Variants in GPC3 observed in about 807,000 individuals in gnomAD.
GPC3 encodes glypican 3.
A neutral mutation model predicts 34.4 loss-of-function variants in GPC3; 3 were observed. That is an observed-to-expected ratio of 0.09 (90% confidence interval 0.04 to 0.23). The LOEUF is 0.23. GPC3 is among the 10% of genes least tolerant of loss of function. The probability of loss-of-function intolerance (pLI) is 1.00; values close to 1 mark genes in which losing one functional copy is unlikely to be tolerated. For synonymous variants in GPC3, 177 were observed against 174.0 expected, an observed-to-expected ratio of 1.02 and a Z score of -0.13; for missense variants, 351 against 445.6, an observed-to-expected ratio of 0.79 and a Z score of 1.91.
At position 133,638,821 on chromosome X, in the gene GPC3, T is replaced by TA. The variant is rs781612003; in HGVS notation, c.1413+22908dup. On this transcript the variant is annotated intron_variant, in intron 6 of 7. Coordinates refer to ENST00000370818, the MANE Select transcript of GPC3 (RefSeq NM_004484.4). ...CTAACACTAACAATAGCTGATGAGC[T>TA]AAAAAAAAAAAAAAAGAAAAAAATC... 4.5e-3 allele frequency among the ~76,000 whole-genome samples: 329 copies of TA among 72,690 alleles called. 1 individual carries two copies. The highest frequency in any genetic ancestry group is 4.9e-3 in the Non-Finnish European group (197 of 39,879). The allele number at this position is 72,690 out of a possible 115,157, so 63.1% of individuals were successfully genotyped here. A position where few individuals can be genotyped will look rare whatever the true frequency, so the allele number is the denominator to read the frequency against.
intron 2 of GPC3, among the ~76,000 whole-genome samples, chrX:133,942,256 A>G (rs763646883): frequency 8.9e-6 from 1 of 112,477 alleles, no homozygotes; most frequent in African/African-American, 3.2e-5. Flanking sequence ...AAAACTGCAT[A>G]GTCTCTGACC....
chrX:133,656,750 G>T (rs1419051689), intron 6 of GPC3, among the ~76,000 whole-genome samples: 1 of 111,626 alleles, frequency 9.0e-6, no homozygotes, highest in Non-Finnish European at 1.9e-5. Context: ...AGAATTGGGT[G>T]GGGGGAAGGG....
chrX:133,862,349 T>C (rs758571244), intron 2 of GPC3, among the ~76,000 whole-genome samples: 2 of 108,830 alleles, frequency 1.8e-5, no homozygotes, highest in African/African-American at 6.7e-5. Flanking sequence ...AAGTCATAAA[T>C]GATAGCCATC....
chrX:133,872,939 G>A (rs1469322328), intron 2 of GPC3, among the ~76,000 whole-genome samples: 1 of 112,600 alleles, frequency 8.9e-6, no homozygotes, highest in Non-Finnish European at 1.9e-5. Context: ...CTCACTTAGT[G>A]GCAAGTGCCA....
chrX:133,697,185 T>C (rs1264839094), intron 4 of GPC3, among the ~76,000 whole-genome samples: 1 of 112,707 alleles, frequency 8.9e-6, no homozygotes, highest in East Asian at 2.8e-4. Context: ...TGGAACTTTT[T>C]CCTTTATTAT....
chrX:133,781,213 C>T, intron 2 of GPC3, among the ~76,000 whole-genome samples: 1 of 112,229 alleles, frequency 8.9e-6, no homozygotes, highest in Non-Finnish European at 1.9e-5. Context: ...GCAACACAGG[C>T]TAGAAGGAAA....
At chrX:133,919,781 C>T (rs1429065396) in intron 2 of GPC3, among the ~76,000 whole-genome samples, 1 of 105,358 alleles carries the variant, frequency 9.5e-6, no homozygotes, top group African/African-American at 3.5e-5. Flanking sequence ...GAGCCTCGAC[C>T]TCGATGTGTG....
At chrX:133,651,340 C>T (rs1342904276) in intron 6 of GPC3, among the ~76,000 whole-genome samples, 1 of 110,365 alleles carries the variant, frequency 9.1e-6, no homozygotes, top group African/African-American at 3.3e-5. Flanking sequence ...ATACGTATCC[C>T]TCTCTTCCCA....
At chrX:133,786,679 G>T (rs1428173369) in intron 2 of GPC3, among the ~76,000 whole-genome samples, 1 of 112,149 alleles carries the variant, frequency 8.9e-6, no homozygotes, top group Admixed American at 9.4e-5. Context: ...CAGTTCCTGT[G>T]TGGTGGCCTG....
chrX:133,798,113 C>T (rs1474802670), intron 2 of GPC3, among the ~76,000 whole-genome samples: 1 of 111,772 alleles, frequency 8.9e-6, no homozygotes, highest in Admixed American at 9.5e-5. Context: ...GGCTCAGTAA[C>T]ACATTAAGAT....
chrX:133,741,683 T>A (rs1394106003), intron 3 of GPC3, among the ~76,000 whole-genome samples: 1 of 112,821 alleles, frequency 8.9e-6, no homozygotes, highest in Non-Finnish European at 1.9e-5. Context: ...AAAAAGGTAA[T>A]GATAATCCCC....
rs764366004 is a variant in GPC3, at chrX:133,618,382, A to AGAAATTCAAAAT, written c.1414-21795_1414-21784dup. On this transcript the variant is annotated intron_variant, in intron 6 of 7. Coordinates refer to ENST00000370818, the MANE Select transcript of GPC3 (RefSeq NM_004484.4). ...GAATGCTCTTTTCATTCATAATGAA[A>AGAAATTCAAAAT]GAAATTCAAAATGAAATTCAAAATT... Among the ~76,000 whole-genome samples the AGAAATTCAAAAT allele has an allele frequency of 4.9e-3, 552 of 112,313 alleles. 4 individuals are homozygous for AGAAATTCAAAAT. Among genetic ancestry groups the AGAAATTCAAAAT allele is most frequent in the African/African-American group, 0.017 (524 of 30,917 alleles).
intron 2 of GPC3, among the ~76,000 whole-genome samples, chrX:133,875,294 A>G (rs773299226): frequency 1.9e-4 from 21 of 111,972 alleles, no homozygotes; most frequent in African/African-American, 6.5e-4. Context: ...GTTATTTTAC[A>G]ATGCCACATG....
intron 7 of GPC3, among the ~76,000 whole-genome samples, chrX:133,576,836 C>T (rs1277792682): frequency 9.1e-6 from 1 of 109,379 alleles, no homozygotes; most frequent in Non-Finnish European, 1.9e-5. Context: ...GAAGTATTGG[C>T]AGGCTTCAGG....
At chrX:133,740,912 G>A (rs755573168) in intron 3 of GPC3, among the ~76,000 whole-genome samples, 1 of 110,674 alleles carries the variant, frequency 9.0e-6, no homozygotes, top group South Asian at 3.9e-4. Context: ...AAATGAAATA[G>A]GCCCTGATTC....
chrX:133,693,450 TA>T (rs1414669689), intron 4 of GPC3, among the ~76,000 whole-genome samples: 1 of 111,965 alleles, frequency 8.9e-6, no homozygotes, highest in Non-Finnish European at 1.9e-5. Context: ...CTTTATTTTC[TA>T]AAGCAATGTT....
chrX:133,760,016 G>GA (rs1239098720), intron 2 of GPC3, among the ~76,000 whole-genome samples: 7 of 110,753 alleles, frequency 6.3e-5, no homozygotes, highest in Admixed American at 1.9e-4. Context: ...TACAGATGGG[G>GA]AAAAAAAACT....
intron 2 of GPC3, among the ~76,000 whole-genome samples, chrX:133,917,114 A>G (rs1435601804): frequency 8.9e-6 from 1 of 112,021 alleles, no homozygotes; most frequent in Non-Finnish European, 1.9e-5. Flanking sequence ...GCAAATGCCT[A>G]TCTCCATACT....
At chrX:133,965,173 C>G (rs900097581) in intron 1 of GPC3, among the ~76,000 whole-genome samples, 9 of 109,090 alleles carry the variant, frequency 8.3e-5, no homozygotes, top group East Asian at 2.9e-4. Context: ...TGGTGTCACC[C>G]CCCCCCACCC....
Sources: allele counts gnomAD v4.1 joint callset (sites outside exome capture counted in the v4.1 genomes callset), GRCh38; gene constraint gnomAD v4.1.1; transcripts MANE v1.5; gene names NCBI Gene and HGNC (gene_info 2026-07-23, HGNC 2026-07-21).